The following FBXL7 variants were observed in gnomAD, a reference collection of about 807,000 sequenced individuals.
FBXL7 encodes F-box and leucine rich repeat protein 7, also known as F-box/LRR-repeat protein 7.
In FBXL7, 12 loss-of-function variants were observed where a neutral mutation model predicts 38.3. The observed-to-expected ratio is 0.31, with a 90% CI of 0.20 to 0.51. The LOEUF (loss-of-function observed/expected upper bound fraction) is 0.51, where lower values mean the gene tolerates loss of function less well. Among genes scored for constraint, FBXL7 ranks in the 20% least tolerant of loss-of-function variants. The probability of loss-of-function intolerance (pLI) is 0.98; values close to 1 mark genes in which losing one functional copy is unlikely to be tolerated. For synonymous variants in FBXL7, 297 were observed against 300.9 expected, an observed-to-expected ratio of 0.99 and a Z score of 0.13; for missense variants, 567 against 676.4, an observed-to-expected ratio of 0.84 and a Z score of 1.79.
rs1040003546 is a variant in FBXL7 at position 15,570,720 on chromosome 5, G to A, written c.38-45263G>A. On this transcript the variant is annotated intron_variant, in intron 1 of 3. Coordinates refer to ENST00000504595, the MANE Select transcript of FBXL7 (RefSeq NM_012304.5). ...TTTCCTGCAGCTCCACACACGGCTC[G>A]GCCTGGACTTGGGAGACCAGTTGCC... Among the ~76,000 whole-genome samples the A allele has an allele frequency of 4.6e-5, 7 of 152,264 alleles. No homozygotes were observed. In the East Asian group the frequency reaches 7.7e-4, roughly 17 times the overall value.
intron 2 of FBXL7, among the ~76,000 whole-genome samples, chr5:15,639,118 T>G (rs1324202604): frequency 6.6e-6 from 1 of 152,308 alleles, no homozygotes; most frequent in Middle Eastern, 3.4e-3. Context: ...GCTTGTACTT[T>G]TTGTTCATCT....
intron 2 of FBXL7, among the ~76,000 whole-genome samples, chr5:15,701,941 G>A (rs1287931064): frequency 6.6e-6 from 1 of 152,130 alleles, no homozygotes. Flanking sequence ...CTAAGTGAAT[G>A]AAGAAACATG....
intron 2 of FBXL7, among the ~76,000 whole-genome samples, chr5:15,845,644 T>C (rs1738874769): frequency 6.6e-6 from 1 of 152,224 alleles, no homozygotes; most frequent in Non-Finnish European, 1.5e-5. Context: ...TTTTTAATGA[T>C]AAAATCAAAG....
At chr5:15,913,269 AT>A (rs33993419) in intron 2 of FBXL7, among the ~76,000 whole-genome samples, 80,306 of 136,286 alleles carry the variant, frequency 0.59, 23,904 homozygotes, top group Non-Finnish European at 0.69. Flanking sequence ...TTTTTTATTA[AT>A]TTTTTTTTTT....
intron 2 of FBXL7, among the ~76,000 whole-genome samples, chr5:15,690,674 T>A (rs1403702430): frequency 6.6e-6 from 1 of 152,148 alleles, no homozygotes; most frequent in African/African-American, 2.4e-5. Context: ...TTATGTTAAG[T>A]GAAATAAGCC....
intron 1 of FBXL7, among the ~76,000 whole-genome samples, chr5:15,526,027 T>C (rs1261813963): frequency 6.7e-6 from 1 of 148,372 alleles, no homozygotes; most frequent in African/African-American, 2.4e-5. Flanking sequence ...TGTGTCCTTG[T>C]TGAAAATGAT....
At chr5:15,529,553 T>C (rs940932826) in intron 1 of FBXL7, among the ~76,000 whole-genome samples, 2 of 151,842 alleles carry the variant, frequency 1.3e-5, no homozygotes, top group African/African-American at 4.8e-5. Context: ...GCCCGGCTAA[T>C]TTTTTTGTAT....
At chr5:15,587,865 A>AT (rs1455376004) in intron 1 of FBXL7, among the ~76,000 whole-genome samples, 1 of 152,104 alleles carries the variant, frequency 6.6e-6, no homozygotes, top group Non-Finnish European at 1.5e-5. Flanking sequence ...TAAATAGGAT[A>AT]TTTTTCTAGC....
At chr5:15,827,234 T>G (rs1269665223) in intron 2 of FBXL7, among the ~76,000 whole-genome samples, 4 of 152,180 alleles carry the variant, frequency 2.6e-5, no homozygotes, top group Non-Finnish European at 4.4e-5. Context: ...TGGTTTTTTT[T>G]GTCTGTTTTG....
chr5:15,500,582 G>C lies in FBXL7; in HGVS notation c.-95G>C. 1 of 1,555,486 alleles carries C rather than the reference G, an allele frequency of 6.4e-7. No individual in the cohort carries two copies. The highest frequency in any genetic ancestry group is 8.9e-7 in the Non-Finnish European group (1 of 1,127,052). On this transcript the variant is annotated 5_prime_UTR_variant, in exon 1 of 4. Transcript: ENST00000504595. Reference sequence around the variant, plus strand: ...AGCTTGGGGGGGATGTGCAGCTAACGGTCCCGTCGGGCGGGCTTTCCTCGG... The same window carrying C: ...AGCTTGGGGGGGATGTGCAGCTAACCGTCCCGTCGGGCGGGCTTTCCTCGG...
At chr5:15,719,427 T>C (rs954917994) in intron 2 of FBXL7, among the ~76,000 whole-genome samples, 3 of 149,752 alleles carry the variant, frequency 2.0e-5, no homozygotes, top group Non-Finnish European at 4.5e-5. Flanking sequence ...AAACAAGATA[T>C]CCTATAAGAC....
At chr5:15,927,803 G>C in intron 2 of FBXL7, 87 bp from the exon 3 acceptor site, 2 of 640,058 alleles carry the variant, frequency 3.1e-6, no homozygotes, top group Non-Finnish European at 4.5e-6. Flanking sequence ...AGAAAGAAAA[G>C]AAAAGAAAGA....
intron 1 of FBXL7, chr5:15,602,099 G>A: frequency 6.6e-6 from 1 of 152,306 alleles, no homozygotes; most frequent in East Asian, 1.9e-4. Flanking sequence ...GAGAAGTGAG[G>A]ACAGAGGCAT....
chr5:15,579,629 T>C (rs1739073904), intron 1 of FBXL7, among the ~76,000 whole-genome samples: 1 of 152,170 alleles, frequency 6.6e-6, no homozygotes, highest in Non-Finnish European at 1.5e-5. Context: ...ACCTTAAAAG[T>C]TAGTGACTTA....
intron 1 of FBXL7, among the ~76,000 whole-genome samples, chr5:15,531,529 T>C (rs1737431552): frequency 6.6e-6 from 1 of 152,174 alleles, no homozygotes; most frequent in Non-Finnish European, 1.5e-5. Context: ...GCTGGTTGTT[T>C]GGTCTGGCTA....
chr5:15,815,201 GATA>G (rs528652487), intron 2 of FBXL7, among the ~76,000 whole-genome samples: 82 of 152,254 alleles, frequency 5.4e-4, no homozygotes, highest in African/African-American at 2.0e-3. Context: ...ATTGGCATTT[GATA>G]ATATTTTTTG....
intron 2 of FBXL7, among the ~76,000 whole-genome samples, chr5:15,648,869 C>T (rs1473938048): frequency 6.6e-6 from 1 of 151,070 alleles, no homozygotes; most frequent in African/African-American, 2.4e-5. Context: ...CTGTGCTCTT[C>T]GGTGTCCTAG....
intron 2 of FBXL7, among the ~76,000 whole-genome samples, chr5:15,832,962 A>C (rs1186799258): frequency 5.3e-5 from 8 of 152,186 alleles, no homozygotes; most frequent in Admixed American, 3.3e-4. Flanking sequence ...ATAGTGAATA[A>C]GCCTCATGAT....
At chr5:15,656,257 G>A (rs1741879449) in intron 2 of FBXL7, among the ~76,000 whole-genome samples, 1 of 152,168 alleles carries the variant, frequency 6.6e-6, no homozygotes, top group African/African-American at 2.4e-5. Context: ...ATGGTGTCAT[G>A]TGAATCATAG....
Sources: gnomAD v4.1 joint callset for allele counts (sites outside exome capture counted in the v4.1 genomes callset) on GRCh38, gnomAD v4.1.1 for gene constraint, MANE v1.5 for transcripts, NCBI Gene and HGNC (gene_info 2026-07-23, HGNC 2026-07-21) for gene names.